POLN: variants seen among roughly 807,000 people sequenced by gnomAD.
The protein encoded by POLN is DNA polymerase N.
POLN carries 108 observed loss-of-function variants against 113.5 expected under a neutral mutation model. The ratio of observed to expected loss-of-function variants is 0.95; its 90% CI spans 0.81 to 1.12. The LOEUF (loss-of-function observed/expected upper bound fraction) is 1.12, where lower values mean the gene tolerates loss of function less well. Among genes scored for constraint, POLN ranks in the 50% most tolerant of loss-of-function variants. The pLI is 0.00. For missense variants in POLN, 1,097 were observed against 1,077.1 expected, an observed-to-expected ratio of 1.02 and a Z score of -0.26; for synonymous variants, 386 against 391.5, an observed-to-expected ratio of 0.99 and a Z score of 0.17.
At chr4:2,107,738 G>T (rs982387671) in intron 19 of POLN, among the ~76,000 whole-genome samples, 2 of 152,316 alleles carry the variant, frequency 1.3e-5, no homozygotes, top group Middle Eastern at 3.4e-3. Flanking sequence ...TACTGGCCAT[G>T]GCACTGAGCT....
chr4:2,241,137 A>ATAAGTATT, intron 2 of POLN: 1 of 509,042 alleles, frequency 2.0e-6, no homozygotes, highest in Admixed American at 3.9e-5. Flanking sequence ...ATATGACGAC[A>ATAAGTATT]GTGTTTTTAA....
intron 3 of POLN, among the ~76,000 whole-genome samples, chr4:2,227,231 G>A (rs946219183): frequency 2.0e-5 from 3 of 152,228 alleles, no homozygotes; most frequent in African/African-American, 7.2e-5. Context: ...TCACATGACA[G>A]GAACTGGGGA....
Position 2,225,684 on chromosome 4 carries a change from A to G in POLN, c.133+3415T>C, listed in dbSNP as rs543531689. Among the ~76,000 whole-genome samples the G allele has an allele frequency of 5.9e-5, 9 of 152,120 alleles. No individual in the cohort carries two copies. The East Asian group carries it at 1.7e-3, about 29-fold the overall frequency. ...AAAAGACGCCCCAAAAATGTTGTGG[A>G]AAAAATTTATAATACTAAAAAAAAA... On this transcript the variant is annotated intron_variant, in intron 3 of 25. Coordinates refer to ENST00000511885, the MANE Select transcript of POLN (RefSeq NM_181808.4).
intron 3 of POLN, 122 bp from the exon 4 acceptor site, chr4:2,213,248 C>T (rs1734035891): frequency 1.9e-6 from 1 of 523,076 alleles, no homozygotes; most frequent in Non-Finnish European, 3.2e-6. Flanking sequence ...TATTAACTTA[C>T]TTAAAACAAT....
intron 16 of POLN, among the ~76,000 whole-genome samples, chr4:2,142,556 G>A (rs1454385334): frequency 3.9e-5 from 6 of 152,234 alleles, no homozygotes. Context: ...AGACTGGCTA[G>A]GGACCGTGGG....
At chr4:2,099,264 C>T (rs73071300) in intron 19 of POLN, among the ~76,000 whole-genome samples, 1,604 of 152,294 alleles carry the variant, frequency 0.011, 38 homozygotes, top group African/African-American at 0.037. Context: ...CATGTGGAAT[C>T]GGAGTAGAAG....
chr4:2,142,800 C>T (rs1188777192), intron 16 of POLN, among the ~76,000 whole-genome samples: 3 of 152,092 alleles, frequency 2.0e-5, no homozygotes, highest in East Asian at 1.9e-4. Context: ...AAACACCACA[C>T]AAAAACCCGT....
At chr4:2,137,748 T>G (rs1205839813) in intron 16 of POLN, among the ~76,000 whole-genome samples, 1 of 152,124 alleles carries the variant, frequency 6.6e-6, no homozygotes, top group East Asian at 1.9e-4. Context: ...CATTTCACTC[T>G]CCTCTGTATC....
intron 16 of POLN, among the ~76,000 whole-genome samples, chr4:2,144,516 C>T (rs992116442): frequency 2.6e-5 from 4 of 152,018 alleles, no homozygotes; most frequent in Admixed American, 6.5e-5. Context: ...AATCCTGCCA[C>T]GTGCCAGCTA....
chr4:2,162,100 G>T (rs932621770), intron 13 of POLN, among the ~76,000 whole-genome samples: 1 of 152,050 alleles, frequency 6.6e-6, no homozygotes, highest in Non-Finnish European at 1.5e-5. Flanking sequence ...AGCCAGCAGC[G>T]GCAACCCGCT....
At chr4:2,153,644 C>T (rs891454633) in intron 16 of POLN, among the ~76,000 whole-genome samples, 12 of 151,146 alleles carry the variant, frequency 7.9e-5, no homozygotes, top group East Asian at 3.9e-4. Flanking sequence ...AGTGCAGTGG[C>T]GCCATCTCAG....
At chr4:2,081,481 A>T in intron 22 of POLN, 152 bp downstream of exon 22, 1 of 721,500 alleles carries the variant, frequency 1.4e-6, no homozygotes, top group Non-Finnish European at 2.4e-6. Context: ...AGTAACTGCC[A>T]GGCAGGACAT....
chr4:2,163,105 G>T (rs1732642603), intron 13 of POLN, among the ~76,000 whole-genome samples: 1 of 151,470 alleles, frequency 6.6e-6, no homozygotes. Context: ...CCACTTGGGG[G>T]AGAACTGATT....
chr4:2,145,549 C>T (rs1489637561), intron 16 of POLN, among the ~76,000 whole-genome samples: 2 of 152,106 alleles, frequency 1.3e-5, no homozygotes, highest in Non-Finnish European at 1.5e-5. Flanking sequence ...CATAAAAATA[C>T]ACTGACCCTC....
At chr4:2,154,646 A>T (rs477455) in intron 16 of POLN, among the ~76,000 whole-genome samples, 128,169 of 151,824 alleles carry the variant, frequency 0.84, 55,201 homozygotes, top group Non-Finnish European at 0.94. Flanking sequence ...TCTCTAGGAA[A>T]TTGCACTATA....
chr4:2,214,945 T>C (rs558568337), intron 3 of POLN, among the ~76,000 whole-genome samples: 1 of 150,570 alleles, frequency 6.6e-6, no homozygotes, highest in Non-Finnish European at 1.5e-5. Context: ...CTCAGCCATA[T>C]ATATATGAGA....
Position 2,081,736 on chromosome 4 carries a change from C to T in POLN, c.2205G>A (p.Val735=). 6.2e-7 allele frequency: 1 copy of T among 1,613,896 alleles called. No homozygotes were observed. Among genetic ancestry groups the T allele is most frequent in the African/African-American group, 1.3e-5 (1 of 75,018 alleles). ...GTCTCCTTCTGCCCATGATGGACAC[C>T]ACACAGCCTGAGTCACACAGAGCAA... The part of the protein sequence containing the change: ...AIAQCHQTGC[V]VSIMGRRRPL... The change falls in exon 22 of 26, where the codon GTG becomes GTA. Residue 735 remains valine, a synonymous_variant. Transcript: ENST00000511885.
chr4:2,085,731 C>G lies in POLN; in HGVS notation c.2079G>C (p.Leu693=). 1 of 1,613,838 alleles carries G rather than the reference C, an allele frequency of 6.2e-7. No individual in the cohort carries two copies. Among genetic ancestry groups the G allele is most frequent in the South Asian group, 1.1e-5 (1 of 91,076 alleles). The change falls in exon 21 of 26, where the codon CTG becomes CTC. Residue 693 remains leucine (L), a synonymous_variant. Coordinates refer to ENST00000511885, the MANE Select transcript of POLN (RefSeq NM_181808.4). ...GAATAGGAACTCCAAGGCAAGCAGC[C>G]AGCCGCTCCTTCCCTGTCAGTCAGA... ...AVVYGAGKER[L]AACLGVPIQE...
At chr4:2,154,001 T>A (rs1418267650) in intron 16 of POLN, among the ~76,000 whole-genome samples, 1 of 151,116 alleles carries the variant, frequency 6.6e-6, no homozygotes, top group Non-Finnish European at 1.5e-5. Flanking sequence ...ATTGAGACCA[T>A]CCTGGCTAAC....
Sources: gnomAD v4.1 joint callset for allele counts (sites outside exome capture counted in the v4.1 genomes callset) on GRCh38, gnomAD v4.1.1 for gene constraint, MANE v1.5 for transcripts, NCBI Gene and HGNC (gene_info 2026-07-23, HGNC 2026-07-21) for gene names.